The following TDRD3 variants were observed in gnomAD, a reference collection of about 807,000 sequenced individuals.
The protein encoded by TDRD3 is tudor domain-containing protein 3.
In TDRD3, 45 loss-of-function variants were observed where a neutral mutation model predicts 86.7. The observed-to-expected ratio is 0.52, with a 90% CI of 0.41 to 0.67. The LOEUF (loss-of-function observed/expected upper bound fraction) is 0.67, where lower values mean the gene tolerates loss of function less well. TDRD3 is among the 30% of genes least tolerant of loss of function. TDRD3 has a pLI of 0.00. For missense variants in TDRD3, 814 were observed against 889.0 expected (o/e 0.92, Z 1.07); for synonymous variants, 298 against 301.7 (o/e 0.99, Z 0.13).
At chr13:60,485,720 G>T in intron 6 of TDRD3, 79 bp from the exon 7 acceptor site, 1 of 1,126,938 alleles carries the variant, frequency 8.9e-7, no homozygotes, top group South Asian at 2.5e-5. Context: ...AGATACTTTT[G>T]AAGAAGTATT....
chr13:60,558,260 T>A (rs7990175), intron 12 of TDRD3, among the ~76,000 whole-genome samples: 1 of 152,220 alleles, frequency 6.6e-6, no homozygotes, highest in Non-Finnish European at 1.5e-5. Flanking sequence ...GATATAATCA[T>A]TGCTCTCAGA....
At chr13:60,514,711 G>T (rs1957131502) in intron 10 of TDRD3, among the ~76,000 whole-genome samples, 1 of 152,134 alleles carries the variant, frequency 6.6e-6, no homozygotes, top group South Asian at 2.1e-4. Context: ...ACATGGAATT[G>T]GTAGGCTAGA....
intron 10 of TDRD3, among the ~76,000 whole-genome samples, chr13:60,511,986 C>G (rs1033134291): frequency 6.6e-6 from 1 of 152,144 alleles, no homozygotes; most frequent in African/African-American, 2.4e-5. Flanking sequence ...GATTTCCTTT[C>G]ATCCTCCTGT....
chr13:60,408,780 C>CT (rs1446044193), intron 1 of TDRD3, among the ~76,000 whole-genome samples: 2 of 152,288 alleles, frequency 1.3e-5, no homozygotes, highest in African/African-American at 4.8e-5. Context: ...TGCAGCATGA[C>CT]TAAGTGATAG....
intron 1 of TDRD3, among the ~76,000 whole-genome samples, chr13:60,422,120 G>T (rs1428802686): frequency 6.6e-6 from 1 of 152,124 alleles, no homozygotes; most frequent in African/African-American, 2.4e-5. Context: ...GATTTAAAGG[G>T]TTCAATTTTT....
chr13:60,487,954 T>C (rs1956484674), intron 7 of TDRD3, among the ~76,000 whole-genome samples: 1 of 152,194 alleles, frequency 6.6e-6, no homozygotes, highest in Non-Finnish European at 1.5e-5. Context: ...GTCTTTTTGA[T>C]TATAGCAGTT....
rs1242298324 is a variant in TDRD3 at position 60,439,628 on chromosome 13, TA to T, written c.42-58del. The T allele has an allele frequency of 5.2e-6, 7 of 1,353,196 alleles. No individual in the cohort carries two copies. The African/African-American group carries it at 8.9e-5, about 17-fold the overall frequency. 83.8% of individuals were successfully genotyped at this position (1,353,196 alleles called of 1,614,324 possible). On this transcript the variant is annotated intron_variant, in intron 1 of 13. Transcript: ENST00000377881. The stretch of plus-strand genomic sequence containing the variant: ...TAGAAAACAAAATTGCATGTAGACT[TA>T]AGAATTTTGGTTAATTTTGATTTTA...
intron 8 of TDRD3, among the ~76,000 whole-genome samples, chr13:60,496,210 C>T (rs1956708688): frequency 6.8e-6 from 1 of 147,884 alleles, no homozygotes. Flanking sequence ...AGTTTTGGAA[C>T]TTGGACTGGC....
intron 1 of TDRD3, among the ~76,000 whole-genome samples, chr13:60,404,712 C>T (rs988696876): frequency 6.6e-6 from 1 of 152,204 alleles, no homozygotes. Context: ...TCAAGAGATT[C>T]TTCTGCCTCA....
At chr13:60,527,083 C>T (rs1334522447) in intron 10 of TDRD3, among the ~76,000 whole-genome samples, 2 of 152,298 alleles carry the variant, frequency 1.3e-5, no homozygotes, top group Non-Finnish European at 2.9e-5. Flanking sequence ...AATACACCTG[C>T]TTCAGCCTTC....
chr13:60,558,763 T>C (rs1350760568), intron 12 of TDRD3, among the ~76,000 whole-genome samples: 1 of 152,106 alleles, frequency 6.6e-6, no homozygotes, highest in Non-Finnish European at 1.5e-5. Flanking sequence ...TGCCCTTTTT[T>C]CTTTATACAT....
At chr13:60,476,540 C>A (rs1956190325) in intron 5 of TDRD3, among the ~76,000 whole-genome samples, 1 of 151,898 alleles carries the variant, frequency 6.6e-6, no homozygotes, top group African/African-American at 2.4e-5. Context: ...GATATGGGCT[C>A]ATTTTTGGTT....
chr13:60,532,425 G>A (rs1957604603), intron 11 of TDRD3, among the ~76,000 whole-genome samples: 1 of 152,188 alleles, frequency 6.6e-6, no homozygotes, highest in Non-Finnish European at 1.5e-5. Context: ...GATGGAATTA[G>A]TTAATCTTCT....
At position 60,528,968 on chromosome 13, in the gene TDRD3, T is replaced by A. The variant is rs759831779; in HGVS notation, c.1743T>A (p.Asn581Lys). 6 of 1,613,894 alleles carry A rather than the reference T, an allele frequency of 3.7e-6. No individual in the cohort carries two copies. The East Asian group carries it at 1.3e-4, about 36-fold the overall frequency. The change falls in exon 11 of 14, where the codon AAT (asparagine) becomes AAA (lysine). Residue 581 changes from asparagine (N) to lysine (K), a missense_variant. Asn to Lys is a moderately conservative substitution (Grantham distance 94). Coordinates refer to ENST00000377881, the MANE Select transcript of TDRD3 (RefSeq NM_001146070.2). ...ATTATCAGAATCCAGTTCGAAGTAA[T>A]AGTTTCATTGGTGTTCCAAATGGAG... ...NTDYQNPVRS[N>K]SFIGVPNGEV...
At chr13:60,456,246 G>A (rs922976276) in intron 3 of TDRD3, among the ~76,000 whole-genome samples, 2 of 152,086 alleles carry the variant, frequency 1.3e-5, no homozygotes, top group African/African-American at 2.4e-5. Flanking sequence ...AGACAAGAAT[G>A]TTATTTAGTA....
intron 11 of TDRD3, among the ~76,000 whole-genome samples, 196 bp downstream of exon 11, chr13:60,529,413 G>A (rs1466537696): frequency 6.6e-6 from 1 of 152,112 alleles, no homozygotes; most frequent in Non-Finnish European, 1.5e-5. Flanking sequence ...GGGACAATCT[G>A]TCCCGTAAGA....
chr13:60,485,730 T>C (rs951579915), intron 6 of TDRD3, 69 bp from the exon 7 acceptor site: 6 of 1,267,930 alleles, frequency 4.7e-6, no homozygotes, highest in Non-Finnish European at 6.2e-6. Context: ...GAAGAAGTAT[T>C]ACTTTCTAAC....
intron 1 of TDRD3, among the ~76,000 whole-genome samples, chr13:60,403,289 A>G (rs1023733662): frequency 6.6e-6 from 1 of 152,234 alleles, no homozygotes; most frequent in Non-Finnish European, 1.5e-5. Context: ...TTGCTAAATC[A>G]ACTAAAATTG....
chr13:60,519,782 A>G (rs1173552900), intron 10 of TDRD3, among the ~76,000 whole-genome samples: 1 of 152,144 alleles, frequency 6.6e-6, no homozygotes, highest in African/African-American at 2.4e-5. Flanking sequence ...TCTGTGAAAT[A>G]GGGATGTTAT....
Sources: allele counts gnomAD v4.1 joint callset (sites outside exome capture counted in the v4.1 genomes callset), GRCh38; gene constraint gnomAD v4.1.1; transcripts MANE v1.5; gene names NCBI Gene and HGNC (gene_info 2026-07-23, HGNC 2026-07-21).